DST: variants seen among roughly 807,000 people sequenced by gnomAD.
DST encodes dystonin, also known as bullous pemphigoid antigen.
In DST, 253 loss-of-function variants were observed where a neutral mutation model predicts 875.2. That is an observed-to-expected ratio of 0.29 (90% CI 0.26 to 0.32). The LOEUF is 0.32. Ranked by LOEUF, DST falls within the 10% of genes least tolerant of loss-of-function variation. The pLI, the probability that DST is intolerant of heterozygous loss-of-function variation, is 1.00. For synonymous variants in DST, 3,124 were observed against 3,197.1 expected (o/e 0.98, Z 0.77); for missense variants, 8,287 against 9,111.6 (o/e 0.91, Z 3.68).
intron 50 of DST, among the ~76,000 whole-genome samples, chr6:56,574,989 A>G (rs1418155515): frequency 1.3e-5 from 2 of 152,320 alleles, no homozygotes; most frequent in Non-Finnish European, 2.9e-5. Flanking sequence ...ATGCTACAAC[A>G]TGAGAAAACA....
chr6:56,939,721 A>G (rs897871319), intron 2 of DST, among the ~76,000 whole-genome samples: 1 of 151,918 alleles, frequency 6.6e-6, no homozygotes, highest in Non-Finnish European at 1.5e-5. Context: ...TTACTCTTCC[A>G]ATAAAAATTA....
chr6:56,496,761 A>G (rs933922831), intron 82 of DST, among the ~76,000 whole-genome samples: 2 of 152,122 alleles, frequency 1.3e-5, no homozygotes, highest in Non-Finnish European at 2.9e-5. Flanking sequence ...CTTGGAACCA[A>G]CCCAAATGTC....
intron 36 of DST, chr6:56,618,862 G>A (rs1330356937): frequency 2.5e-6 from 4 of 1,614,106 alleles, no homozygotes; most frequent in Non-Finnish European, 3.4e-6. Flanking sequence ...TGGTCTTTAA[G>A]TGTAATTCGT....
In DST at chr6:56,572,853, T is replaced by G. The variant is rs1371418837; in HGVS notation, c.13448A>C (p.Glu4483Ala). 5 of 1,613,264 alleles carry G rather than the reference T, an allele frequency of 3.1e-6. No individual in the cohort carries two copies. Among genetic ancestry groups the G allele is most frequent in the Non-Finnish European group, 4.2e-6 (5 of 1,179,624 alleles). Residue 4483 changes from glutamate (E) to alanine (A), a missense_variant, in exon 52 of 104, where the codon GAG (glutamate) becomes GCG (alanine). Coordinates refer to ENST00000680361, the MANE Select transcript of DST (RefSeq NM_001374736.1). ...TGTCTGGAGCTTTTCTGAGAGGTTC[T>G]CAAACAGTTCTACTTTGGTTTTTAG... The part of the protein sequence containing the change: ...EELKTKVELF[E>A]NLSEKLQTFL...
intron 4 of DST, among the ~76,000 whole-genome samples, chr6:56,819,455 T>C (rs1326407830): frequency 6.6e-6 from 1 of 152,204 alleles, no homozygotes; most frequent in Admixed American, 6.5e-5. Context: ...ACCTCCATTT[T>C]ACTTAGTGAA....
At chr6:56,481,308 G>A (rs1174606989) in intron 90 of DST, among the ~76,000 whole-genome samples, 1 of 152,156 alleles carries the variant, frequency 6.6e-6, no homozygotes, top group Non-Finnish European at 1.5e-5. Context: ...ACTACATTGA[G>A]CGTTACCATT....
At chr6:56,667,541 T>A (rs1425229091) in intron 10 of DST, among the ~76,000 whole-genome samples, 5 of 152,180 alleles carry the variant, frequency 3.3e-5, no homozygotes, top group African/African-American at 1.2e-4. Context: ...CAAAGAAATC[T>A]TGTAAGCATT....
intron 18 of DST, 33 bp from the exon 19 acceptor site, chr6:56,640,090 A>G: frequency 6.2e-7 from 1 of 1,613,902 alleles, no homozygotes. Context: ...TTTAAAAAAG[A>G]AATTGATAAC....
chr6:56,687,651 T>C (rs1588584342), intron 9 of DST, among the ~76,000 whole-genome samples: 1 of 152,272 alleles, frequency 6.6e-6, no homozygotes, highest in Admixed American at 6.5e-5. Flanking sequence ...GCAAATTCCA[T>C]ATTGAATTTG....
chr6:56,562,021 T>C, intron 56 of DST, 117 bp downstream of exon 56: 3 of 550,722 alleles, frequency 5.4e-6, no homozygotes, highest in Non-Finnish European at 9.1e-6. Context: ...TTAGATTAAA[T>C]ACCATTGTAA....
chr6:56,527,386 T>C (rs1362443246), intron 68 of DST, 107 bp downstream of exon 68: 7 of 1,384,384 alleles, frequency 5.1e-6, no homozygotes, highest in Non-Finnish European at 6.7e-6. Context: ...CACCAAGGCA[T>C]CCTTCAGCAT....
intron 4 of DST, among the ~76,000 whole-genome samples, chr6:56,742,745 A>G (rs2099551694): frequency 6.6e-6 from 1 of 152,188 alleles, no homozygotes. Flanking sequence ...AATAAAAATA[A>G]AAAAAATCCA....
intron 10 of DST, among the ~76,000 whole-genome samples, chr6:56,660,907 CTTAG>C (rs1183724627): frequency 4.0e-5 from 6 of 151,774 alleles, no homozygotes; most frequent in East Asian, 3.9e-4. Flanking sequence ...TTATAGCAAG[CTTAG>C]TTAGTACTTC....
rs887986065 is a variant in DST at position 56,533,397 on chromosome 6, A to T, written c.16942-887T>A. On this transcript the variant is annotated intron_variant, in intron 63 of 103. Coordinates refer to ENST00000680361, the MANE Select transcript of DST (RefSeq NM_001374736.1). ...GCTTCCTTAATGATCCTGACTGCTA[A>T]TTAAGGAGTAAAGATTTGACAGTTA... Among the ~76,000 whole-genome samples, 5 of 152,352 alleles carry T rather than the reference A, an allele frequency of 3.3e-5. No individual in the cohort carries two copies. The South Asian group carries it at 1.0e-3, about 32-fold the overall frequency.
At chr6:56,593,516 C>CAAAAAAAAAAAAAAAAA (rs58251502) in intron 48 of DST, 147 bp downstream of exon 48, 6 of 319,340 alleles carry the variant, frequency 1.9e-5, no homozygotes, top group South Asian at 8.3e-5. Flanking sequence ...GACTCCTTCT[C>CAAAAAAAAAAAAAAAAA]AAAAAAAAAA....
chr6:56,603,346 C>T lies in DST; in HGVS notation c.11016G>A (p.Lys3672=). The change falls in exon 42 of 104, where the codon AAG becomes AAA. Residue 3672 remains lysine (K), a synonymous_variant. Coordinates refer to ENST00000680361, the MANE Select transcript of DST (RefSeq NM_001374736.1). ...CTCTGGGAAAGTCACTGGGAAGAGA[C>T]TTTAAAAACTCTTCTGCCAACTTCA... is the stretch of plus-strand genomic sequence containing the variant. ...KDMKLAEEFL[K]SLPSDFPRGH... 6.2e-7 allele frequency: 1 copy of T among 1,611,162 alleles called. No individual in the cohort carries two copies. Among genetic ancestry groups the T allele is most frequent in the Admixed American group, 1.7e-5 (1 of 59,784 alleles).
chr6:56,698,736 T>C (rs2099277470), intron 9 of DST, among the ~76,000 whole-genome samples: 1 of 152,368 alleles, frequency 6.6e-6, no homozygotes, highest in African/African-American at 2.4e-5. Context: ...AATCTATTGG[T>C]AAGATGTACT....
intron 50 of DST, among the ~76,000 whole-genome samples, chr6:56,576,180 A>G (rs2097860562): frequency 6.6e-6 from 1 of 152,210 alleles, no homozygotes; most frequent in African/African-American, 2.4e-5. Flanking sequence ...TGAGCATGGC[A>G]TGCCCATAGA....
chr6:56,461,704 T>C (rs888969769), intron 102 of DST: 4 of 152,248 alleles, frequency 2.6e-5, no homozygotes, highest in Admixed American at 6.5e-5. Flanking sequence ...AAAAAAAATT[T>C]TGAACACAGC....
Sources: allele counts gnomAD v4.1 joint callset (sites outside exome capture counted in the v4.1 genomes callset), GRCh38; gene constraint gnomAD v4.1.1; transcripts MANE v1.5; gene names NCBI Gene and HGNC (gene_info 2026-07-23, HGNC 2026-07-21).